Variants in ENTREP2 observed in about 807,000 individuals in gnomAD.
ENTREP2 encodes the protein protein ENTREP2.
chr15:29,560,477 A>T, the ENTREP2 span, among the ~76,000 whole-genome samples: 1 of 152,084 alleles, frequency 6.6e-6, no homozygotes, highest in Non-Finnish European at 1.5e-5. Context: ...GCTGCAGTGA[A>T]GCTCCGCTGG....
the ENTREP2 span, among the ~76,000 whole-genome samples, chr15:29,597,835 G>A: frequency 6.6e-6 from 1 of 151,852 alleles, no homozygotes; most frequent in South Asian, 2.1e-4. Context: ...GTAAGACTAT[G>A]TTTAGGCTGG....
At chr15:29,261,584 A>T in the ENTREP2 span, among the ~76,000 whole-genome samples, 1 of 152,230 alleles carries the variant, frequency 6.6e-6, no homozygotes, top group East Asian at 1.9e-4. Flanking sequence ...GAACATACCA[A>T]AAGCTAACCA....
the ENTREP2 span, among the ~76,000 whole-genome samples, chr15:29,169,975 G>A: frequency 1.3e-5 from 2 of 152,048 alleles, no homozygotes; most frequent in Non-Finnish European, 2.9e-5. Flanking sequence ...CAAATATTTA[G>A]AACTAAATAT....
At chr15:29,674,753 G>C in the ENTREP2 span, among the ~76,000 whole-genome samples, 1 of 150,150 alleles carries the variant, frequency 6.7e-6, no homozygotes, top group African/African-American at 2.5e-5. Context: ...GGAGGGAAAA[G>C]GGGGAGGGAG....
At chr15:29,203,430 C>G in the ENTREP2 span, among the ~76,000 whole-genome samples, 14 of 152,212 alleles carry the variant, frequency 9.2e-5, no homozygotes, top group African/African-American at 2.6e-4. Context: ...AAAATTGTTC[C>G]TGTTTCTCCA....
the ENTREP2 span, among the ~76,000 whole-genome samples, chr15:29,306,786 C>T: frequency 6.9e-6 from 1 of 145,292 alleles, no homozygotes; most frequent in Non-Finnish European, 1.5e-5. Context: ...GGCGTGATTA[C>T]CCAGGCTGGA....
the ENTREP2 span, among the ~76,000 whole-genome samples, chr15:29,669,989 G>A: frequency 2.6e-5 from 4 of 152,114 alleles, no homozygotes; most frequent in Non-Finnish European, 5.9e-5. Flanking sequence ...ATCCCCATGC[G>A]TTTTCATCAT....
At chr15:29,662,715 CTTTTTCTTT>C in the ENTREP2 span, among the ~76,000 whole-genome samples, 8 of 152,128 alleles carry the variant, frequency 5.3e-5, no homozygotes, top group East Asian at 1.6e-3. Context: ...CCTCCCGATT[CTTTTTCTTT>C]TTTTTCTTTT....
chr15:29,444,178 GAA>G, the ENTREP2 span, among the ~76,000 whole-genome samples: 1 of 15,392 alleles, frequency 6.5e-5, no homozygotes, highest in African/African-American at 2.2e-4. Context: ...GACAAAGAAA[GAA>G]AGAAAGAAAG....
the ENTREP2 span, among the ~76,000 whole-genome samples, chr15:29,621,577 A>T: frequency 7.9e-6 from 1 of 127,194 alleles, no homozygotes; most frequent in Non-Finnish European, 1.6e-5. Context: ...CACCATTAGG[A>T]TGGCCACTAT....
the ENTREP2 span, among the ~76,000 whole-genome samples, chr15:29,178,252 C>T: frequency 6.8e-6 from 1 of 147,986 alleles, no homozygotes; most frequent in South Asian, 2.1e-4. Context: ...TGTGATTGTA[C>T]CACCGCACTC....
the ENTREP2 span, among the ~76,000 whole-genome samples, chr15:29,471,145 G>A: frequency 6.6e-6 from 1 of 152,186 alleles, no homozygotes; most frequent in East Asian, 1.9e-4. Context: ...TGGGTGGGGA[G>A]TTGCTAAGTG....
chr15:29,118,719 C>T, the ENTREP2 span, among the ~76,000 whole-genome samples: 20 of 152,196 alleles, frequency 1.3e-4, no homozygotes, highest in South Asian at 2.1e-4. Flanking sequence ...GTGTAAAAGC[C>T]GGACCGCCCA....
At chr15:29,644,957 C>T in the ENTREP2 span, among the ~76,000 whole-genome samples, 1 of 152,060 alleles carries the variant, frequency 6.6e-6, no homozygotes, top group East Asian at 1.9e-4. Context: ...GCTTGTAATC[C>T]CATAATTCCA....
chr15:29,397,574 C>G, the ENTREP2 span, among the ~76,000 whole-genome samples: 1 of 151,998 alleles, frequency 6.6e-6, no homozygotes, highest in Non-Finnish European at 1.5e-5. Context: ...TGTCAACTGG[C>G]AAAAAGTATA....
the ENTREP2 span, among the ~76,000 whole-genome samples, chr15:29,271,579 G>GACATTGTATAGAAGA: frequency 1.3e-5 from 2 of 152,316 alleles, no homozygotes; most frequent in Non-Finnish European, 2.9e-5. Flanking sequence ...ATAGATTCCA[G>GACATTGTATAGAAGA]ACATTGTATA....
At chr15:29,345,701 G>A in the ENTREP2 span, among the ~76,000 whole-genome samples, 1 of 148,864 alleles carries the variant, frequency 6.7e-6, no homozygotes, top group Non-Finnish European at 1.5e-5. Flanking sequence ...ATCCCCCCCA[G>A]CTCCTCACAC....
At chr15:29,566,539 C>G in the ENTREP2 span, among the ~76,000 whole-genome samples, 6 of 151,952 alleles carry the variant, frequency 3.9e-5, no homozygotes, top group Non-Finnish European at 7.4e-5. Context: ...TCACTGCAAC[C>G]TCCGCCTCCT....
the ENTREP2 span, among the ~76,000 whole-genome samples, chr15:29,497,479 C>T: frequency 4.7e-4 from 72 of 152,184 alleles, no homozygotes; most frequent in African/African-American, 1.7e-3. Context: ...TTTTTCTTCA[C>T]GATTAAATCC....
Sources: allele counts gnomAD v4.1 joint callset (sites outside exome capture counted in the v4.1 genomes callset), GRCh38; gene constraint gnomAD v4.1.1; transcripts MANE v1.5; gene names NCBI Gene and HGNC (gene_info 2026-07-23, HGNC 2026-07-21).